Variants in NTRK2 observed in about 807,000 individuals in gnomAD.
NTRK2 encodes BDNF/NT-3 growth factors receptor.
A neutral mutation model predicts 94.5 loss-of-function variants in NTRK2; 13 were observed. The observed-to-expected ratio is 0.14, with a 90% CI of 0.09 to 0.22. The LOEUF is 0.22. Among genes scored for constraint, NTRK2 ranks in the 10% least tolerant of loss-of-function variants. The pLI is 1.00. For synonymous variants in NTRK2, 372 were observed against 407.4 expected, an observed-to-expected ratio of 0.91 and a Z score of 1.05; for missense variants, 639 against 1,071.2, an observed-to-expected ratio of 0.60 and a Z score of 5.63.
At chr9:84,739,833 C>T (rs950466521) in intron 9 of NTRK2, among the ~76,000 whole-genome samples, 2 of 152,186 alleles carry the variant, frequency 1.3e-5, no homozygotes, top group African/African-American at 2.4e-5. Context: ...TAGTTCCTGG[C>T]AGTCTGGGAT....
intron 17 of NTRK2, among the ~76,000 whole-genome samples, chr9:84,987,353 C>G (rs1828446511): frequency 1.3e-5 from 2 of 152,096 alleles, no homozygotes; most frequent in South Asian, 4.1e-4. Flanking sequence ...GGGAACACAT[C>G]CCCATTTTTT....
At chr9:84,802,393 C>T (rs2070595192) in intron 12 of NTRK2, among the ~76,000 whole-genome samples, 1 of 152,176 alleles carries the variant, frequency 6.6e-6, no homozygotes, top group Non-Finnish European at 1.5e-5. Context: ...GAAGGGACTT[C>T]CTGCGCTCCA....
At chr9:84,907,858 C>T (rs186105651) in intron 14 of NTRK2, among the ~76,000 whole-genome samples, 5 of 152,262 alleles carry the variant, frequency 3.3e-5, no homozygotes, top group African/African-American at 1.2e-4. Context: ...TTGATAGCTT[C>T]TGAATTCTCA....
chr9:84,959,498 G>A (rs1226215500), intron 17 of NTRK2, among the ~76,000 whole-genome samples: 1 of 152,190 alleles, frequency 6.6e-6, no homozygotes, highest in Non-Finnish European at 1.5e-5. Context: ...GGCAGGAGGG[G>A]CGGGTGGCAG....
intron 14 of NTRK2, among the ~76,000 whole-genome samples, chr9:84,929,639 G>A (rs949336928): frequency 1.3e-5 from 2 of 151,508 alleles, no homozygotes; most frequent in Non-Finnish European, 2.9e-5. Flanking sequence ...CCTGCTCACT[G>A]CAACCTCTGC....
intron 12 of NTRK2, among the ~76,000 whole-genome samples, chr9:84,761,796 T>C (rs929322058): frequency 1.3e-5 from 2 of 152,206 alleles, no homozygotes; most frequent in Non-Finnish European, 2.9e-5. Flanking sequence ...GTATTTTCTA[T>C]TTAGTTGGCA....
chr9:84,687,177 A>G (rs901354417), intron 2 of NTRK2, among the ~76,000 whole-genome samples: 1 of 152,172 alleles, frequency 6.6e-6, no homozygotes, highest in African/African-American at 2.4e-5. Context: ...GGCCTCCCAA[A>G]ATGCTGGGAT....
In NTRK2 at chr9:84,722,147, T is replaced by C. The variant is rs1488794147; in HGVS notation, c.584-1426T>C. On this transcript the variant is annotated intron_variant, in intron 6 of 18. Transcript: ENST00000277120. Reference sequence around the variant, plus strand: ...TATATTTCATTGCCCTGTATAACTCTGGCTATTAGGGGCTTTTTTTTTTTT... The same window carrying C: ...TATATTTCATTGCCCTGTATAACTCCGGCTATTAGGGGCTTTTTTTTTTTT... Among the ~76,000 whole-genome samples the C allele has an allele frequency of 2.0e-5, 3 of 147,758 alleles. No homozygotes were observed. In the South Asian group the frequency reaches 6.5e-4, roughly 32 times the overall value.
At chr9:84,709,104 AG>A (rs1219598447) in intron 5 of NTRK2, among the ~76,000 whole-genome samples, 2 of 152,262 alleles carry the variant, frequency 1.3e-5, no homozygotes. Context: ...GATATGGCAC[AG>A]GGCCATGGGG....
chr9:84,865,330 C>T (rs932336678), intron 13 of NTRK2, among the ~76,000 whole-genome samples: 2 of 152,198 alleles, frequency 1.3e-5, no homozygotes, highest in Non-Finnish European at 2.9e-5. Context: ...TGCACATCCC[C>T]TTGAGAGAAT....
Position 84,986,307 on chromosome 9 carries a change from T to C in NTRK2, c.2172+30790T>C, listed in dbSNP as rs75454282. Among the ~76,000 whole-genome samples the C allele has an allele frequency of 3.2e-3, 481 of 152,290 alleles. 3 individuals carry two copies. Among genetic ancestry groups the C allele is most frequent in the African/African-American group, 0.011 (455 of 41,558 alleles). ...AGTTTTGTGGAAAACAATTTTTCCA[T>C]GGACAGGGGTTGTGAGGATGTTTTT... On this transcript the variant is annotated intron_variant, in intron 17 of 18. Coordinates refer to ENST00000277120, the MANE Select transcript of NTRK2 (RefSeq NM_006180.6).
intron 17 of NTRK2, among the ~76,000 whole-genome samples, chr9:84,993,808 G>C (rs960691468): frequency 2.0e-5 from 3 of 152,084 alleles, no homozygotes; most frequent in African/African-American, 7.2e-5. Flanking sequence ...CACCTCTCCT[G>C]TCGCAGGACC....
chr9:84,850,465 G>C (rs537054563), intron 12 of NTRK2, among the ~76,000 whole-genome samples: 1 of 152,308 alleles, frequency 6.6e-6, no homozygotes, highest in Non-Finnish European at 1.5e-5. Flanking sequence ...AGGTGATAAA[G>C]CTGGAGCCAG....
chr9:84,914,544 C>A, intron 14 of NTRK2, among the ~76,000 whole-genome samples: 1 of 152,164 alleles, frequency 6.6e-6, no homozygotes, highest in East Asian at 1.9e-4. Flanking sequence ...GGTAGAAGTC[C>A]ATATTTTCCA....
At chr9:84,736,435 A>G (rs1193722398) in intron 9 of NTRK2, among the ~76,000 whole-genome samples, 2 of 152,176 alleles carry the variant, frequency 1.3e-5, no homozygotes, top group Non-Finnish European at 2.9e-5. Flanking sequence ...AATGCCCCAC[A>G]CTGGTGGATT....
intron 16 of NTRK2, among the ~76,000 whole-genome samples, chr9:84,949,446 ATTTATTT>A (rs2078705519): frequency 1.9e-4 from 2 of 10,790 alleles, no homozygotes; most frequent in Non-Finnish European, 4.7e-4. Flanking sequence ...ATTGGTTGGG[ATTTATTT>A]ATTTATTTAT....
intron 17 of NTRK2, among the ~76,000 whole-genome samples, chr9:85,017,834 G>A (rs569268064): frequency 6.6e-6 from 1 of 152,264 alleles, no homozygotes; most frequent in South Asian, 2.1e-4. Context: ...TATCTAACGA[G>A]AAAGAACAGC....
intron 14 of NTRK2, chr9:84,874,862 A>G: frequency 9.5e-7 from 1 of 1,058,024 alleles, no homozygotes; most frequent in South Asian, 4.6e-5. Flanking sequence ...ACAGTCCTAA[A>G]CAGACTGGAA....
intron 12 of NTRK2, among the ~76,000 whole-genome samples, chr9:84,761,165 T>C (rs2065530652): frequency 2.0e-5 from 3 of 152,286 alleles, no homozygotes; most frequent in South Asian, 2.1e-4. Flanking sequence ...AGAGAGAGAA[T>C]GAGCCAGTGA....
Sources: gnomAD v4.1 joint callset for allele counts (sites outside exome capture counted in the v4.1 genomes callset) on GRCh38, gnomAD v4.1.1 for gene constraint, MANE v1.5 for transcripts, NCBI Gene and HGNC (gene_info 2026-07-23, HGNC 2026-07-21) for gene names.